Variants in ATXN7 observed in about 807,000 individuals in gnomAD.
ATXN7 encodes the protein ataxin-7.
Under a neutral mutation model 70.5 loss-of-function variants are expected in ATXN7, and 12 were observed. The ratio of observed to expected loss-of-function variants is 0.17; its 90% CI spans 0.11 to 0.28. ATXN7 has a LOEUF of 0.28. Among genes scored for constraint, ATXN7 ranks in the 10% least tolerant of loss-of-function variants. ATXN7 has a pLI of 1.00. For missense variants in ATXN7, 1,256 were observed against 1,131.7 expected (o/e 1.11, Z -1.58); for synonymous variants, 498 against 448.7 (o/e 1.11, Z -1.39).
chr3:63,940,248 C>T (rs531293656), intron 4 of ATXN7, among the ~76,000 whole-genome samples: 114 of 151,332 alleles, frequency 7.5e-4, no homozygotes, highest in Non-Finnish European at 1.4e-3. Flanking sequence ...AAAGCAGAGT[C>T]ATAAACTCCC....
chr3:63,922,610 G>A (rs867795560), intron 4 of ATXN7, among the ~76,000 whole-genome samples: 2 of 152,102 alleles, frequency 1.3e-5, no homozygotes, highest in South Asian at 2.1e-4. Context: ...CATCATGAAG[G>A]TGGGGAGTGG....
intron 12 of ATXN7, chr3:63,998,157 A>G (rs1383266550): frequency 1.0e-6 from 1 of 965,848 alleles, no homozygotes; most frequent in Admixed American, 7.4e-5. Context: ...TCATTTAGAC[A>G]GGAGTGTAGA....
chr3:63,909,953 T>C (rs931146474), intron 2 of ATXN7, among the ~76,000 whole-genome samples: 9 of 152,342 alleles, frequency 5.9e-5, no homozygotes, highest in African/African-American at 1.9e-4. Context: ...GCTATTAGTT[T>C]TGAGTATTGA....
At chr3:63,911,965 G>A (rs897767888) in intron 2 of ATXN7, 1 of 152,386 alleles carries the variant, frequency 6.6e-6, no homozygotes, top group Non-Finnish European at 1.5e-5. Context: ...CTCCATAGGT[G>A]GCTGCATTTC....
intron 4 of ATXN7, among the ~76,000 whole-genome samples, chr3:63,944,768 T>G (rs1010392006): frequency 2.6e-5 from 4 of 152,034 alleles, no homozygotes; most frequent in African/African-American, 7.2e-5. Context: ...TTTTTGTTTT[T>G]TGTTAGTTTT....
chr3:63,966,747 G>T (rs749267627), intron 5 of ATXN7, among the ~76,000 whole-genome samples: 2 of 152,146 alleles, frequency 1.3e-5, no homozygotes, highest in Non-Finnish European at 2.9e-5. Flanking sequence ...ACTCTTCCCC[G>T]CACCTTTCAG....
chr3:63,905,802 G>C (rs1166425248), intron 2 of ATXN7: 1 of 152,110 alleles, frequency 6.6e-6, no homozygotes, highest in Admixed American at 6.6e-5. Context: ...AGAGGATCAA[G>C]GTCTCCAGGT....
At chr3:63,863,410 G>C, upstream of ATXN7, 1 of 1,065,984 alleles carries the variant, frequency 9.4e-7, no homozygotes, top group Non-Finnish European at 1.1e-6. Context: ...AGACAAACCC[G>C]GACTCCCTCT....
intron 1 of ATXN7, among the ~76,000 whole-genome samples, chr3:63,870,942 C>T (rs1388219700): frequency 6.6e-6 from 1 of 152,150 alleles, no homozygotes; most frequent in Non-Finnish European, 1.5e-5. Context: ...GTAATTTCAT[C>T]CGGCCATCAC....
chr3:63,922,276 A>G (rs1704540771), intron 4 of ATXN7, among the ~76,000 whole-genome samples: 1 of 152,140 alleles, frequency 6.6e-6, no homozygotes, highest in Non-Finnish European at 1.5e-5. Context: ...TCTGGAGCTC[A>G]AGAAATCCTC....
chr3:63,913,090 G>A (rs1704121625), intron 3 of ATXN7, 67 bp from the exon 4 acceptor site: 11 of 1,543,640 alleles, frequency 7.1e-6, no homozygotes, highest in Non-Finnish European at 9.8e-6. Context: ...GTGCGTGCGT[G>A]AGTGTGCGTC....
chr3:63,892,467 T>TCACACA (rs60819300), intron 1 of ATXN7, among the ~76,000 whole-genome samples: 4 of 131,702 alleles, frequency 3.0e-5, no homozygotes, highest in Middle Eastern at 3.7e-3. Flanking sequence ...TATCGCTCCT[T>TCACACA]CACACACACA....
chr3:63,882,029 G>T (rs1222727492), intron 1 of ATXN7, among the ~76,000 whole-genome samples: 1 of 152,200 alleles, frequency 6.6e-6, no homozygotes, highest in Non-Finnish European at 1.5e-5. Flanking sequence ...CTCTAGCAAA[G>T]AACACATTTT....
intron 1 of ATXN7, among the ~76,000 whole-genome samples, chr3:63,892,399 CA>C (rs1199746968): frequency 2.0e-5 from 3 of 150,786 alleles, no homozygotes; most frequent in Non-Finnish European, 3.0e-5. Context: ...CACACACACA[CA>C]CACACACACA....
chr3:63,911,792 A>C (rs975792293), intron 2 of ATXN7: 1 of 152,178 alleles, frequency 6.6e-6, no homozygotes, highest in Non-Finnish European at 1.5e-5. Context: ...GACACCTGGG[A>C]GGCACTTCCC....
intron 1 of ATXN7, among the ~76,000 whole-genome samples, chr3:63,882,385 C>CT (rs1164256938): frequency 0.016 from 2,002 of 128,786 alleles, 24 homozygotes; most frequent in Non-Finnish European, 0.017. Flanking sequence ...GCCTTTGATT[C>CT]TTTTTTTTTT....
chr3:63,954,709 T>C (rs1041943364), intron 5 of ATXN7, among the ~76,000 whole-genome samples: 8 of 145,182 alleles, frequency 5.5e-5, no homozygotes, highest in African/African-American at 2.1e-4. Flanking sequence ...GTTTTTTTTT[T>C]TGTTTTTTTT....
chr3:63,964,163 ATACT>A (rs1167380427), intron 5 of ATXN7, among the ~76,000 whole-genome samples: 6 of 152,084 alleles, frequency 3.9e-5, no homozygotes, highest in Non-Finnish European at 5.9e-5. Context: ...AAGTCTAGTA[ATACT>A]TAATAATATG....
chr3:63,996,362 A>C lies in ATXN7; in HGVS notation c.2540A>C (p.Asn847Thr). ...TGCTCACCCAGCTCGAGCAGCATCA[A>C]CAACAGCAGCAGCAAACCCACAAAG... is the stretch of plus-strand genomic sequence containing the variant. ...RKCSPSSSSI[N>T]NSSSKPTKVA... Residue 847 changes from asparagine (N) to threonine (T), a missense_variant, in exon 12 of 13, where the codon AAC becomes ACC. Coordinates refer to ENST00000674280, the MANE Select transcript of ATXN7 (RefSeq NM_001377405.1). 6.2e-7 allele frequency: 1 copy of C among 1,614,172 alleles called. No individual in the cohort carries two copies. The highest frequency in any genetic ancestry group is 8.5e-7 in the Non-Finnish European group (1 of 1,180,018).
Sources: allele counts gnomAD v4.1 joint callset (sites outside exome capture counted in the v4.1 genomes callset), GRCh38; gene constraint gnomAD v4.1.1; transcripts MANE v1.5; gene names NCBI Gene and HGNC (gene_info 2026-07-23, HGNC 2026-07-21).